PGBD5: variants seen among roughly 807,000 people sequenced by gnomAD.
PGBD5 encodes piggyBac transposable element derived 5.
PGBD5 carries 14 observed loss-of-function variants against 47.9 expected under a neutral mutation model. The observed-to-expected ratio is 0.29, with a 90% CI of 0.19 to 0.46. The LOEUF (loss-of-function observed/expected upper bound fraction) is 0.46, where lower values mean the gene tolerates loss of function less well. Among genes scored for constraint, PGBD5 ranks in the 20% least tolerant of loss-of-function variants. The pLI is 1.00. For missense variants in PGBD5, 635 were observed against 716.0 expected (o/e 0.89, Z 1.29); for synonymous variants, 316 against 306.3 (o/e 1.03, Z -0.33).
chr1:230,342,521 G>A (rs1045275038), intron 3 of PGBD5, among the ~76,000 whole-genome samples: 4 of 152,098 alleles, frequency 2.6e-5, no homozygotes, highest in South Asian at 2.1e-4. Context: ...GGGTGTGTGC[G>A]GCTGTCACCT....
chr1:230,357,095 G>A lies in PGBD5; in HGVS notation c.558C>T (p.Leu186=). 6.2e-7 allele frequency: 1 copy of A among 1,614,192 alleles called. No individual in the cohort carries two copies. ...TGTAGAAGCCTCCGCTCCAGATGCT[G>A]AGGACGGACTCGCAGTGGGAGATGC... ...STSISHCESV[L]SIWSGGFYSN... The change falls in exon 2 of 7, where the codon CTC becomes CTT. Residue 186 remains leucine (L), a synonymous_variant. Transcript: ENST00000391860. The surrounding 1 kb of genome is among the most constrained non-coding windows in gnomAD (Gnocchi z 5.7).
intron 1 of PGBD5, among the ~76,000 whole-genome samples, chr1:230,369,286 G>A (rs1275972688): frequency 1.3e-5 from 2 of 152,224 alleles, no homozygotes; most frequent in Non-Finnish European, 2.9e-5. Flanking sequence ...TATACATTAG[G>A]ACAATGATGA....
intron 1 of PGBD5, among the ~76,000 whole-genome samples, chr1:230,396,719 G>C (rs146814219): frequency 6.6e-6 from 1 of 151,782 alleles, no homozygotes; most frequent in South Asian, 2.1e-4. Context: ...CATGGTGTCC[G>C]CCTGAAACAA....
intron 1 of PGBD5, among the ~76,000 whole-genome samples, chr1:230,390,225 A>G (rs572204510): frequency 6.6e-6 from 1 of 152,194 alleles, no homozygotes; most frequent in Admixed American, 6.5e-5. Context: ...ACTGCTGCCA[A>G]TCCAGTTCCA....
chr1:230,325,698 AG>A (rs1667105224), intron 5 of PGBD5, among the ~76,000 whole-genome samples: 2 of 152,068 alleles, frequency 1.3e-5, no homozygotes, highest in Non-Finnish European at 2.9e-5. Context: ...GCAGGCCTGA[AG>A]GGGCTCTAAG....
chr1:230,349,341 AAC>A (rs1667525885), intron 3 of PGBD5, among the ~76,000 whole-genome samples: 1 of 152,130 alleles, frequency 6.6e-6, no homozygotes, highest in Admixed American at 6.5e-5. Context: ...CAGCCTGGGC[AAC>A]ACAGTGAGAC....
intron 5 of PGBD5, among the ~76,000 whole-genome samples, chr1:230,331,402 C>T (rs1449473885): frequency 2.6e-5 from 4 of 152,062 alleles, no homozygotes; most frequent in African/African-American, 9.7e-5. Context: ...GGCGACAGAG[C>T]AACACCCTGT....
rs201689597 is a variant in PGBD5 at position 230,321,146 on chromosome 1, T to C, written c.*2279A>G. On this transcript the variant is annotated 3_prime_UTR_variant, in exon 7 of 7. Coordinates refer to ENST00000391860, the MANE Select transcript of PGBD5 (RefSeq NM_001258311.2). ...AAGGCAGGCCTGCTAGTGTCTTCAA[T>C]GAAACAGGCACCTCAAATACAACTG... The C allele has an allele frequency of 7.9e-5, 12 of 152,324 alleles. No individual in the cohort carries two copies. The highest frequency in any genetic ancestry group is 1.9e-4 in the East Asian group (1 of 5,186). The allele number at this position is 152,324 out of a possible 1,614,324, so 9.4% of individuals were successfully genotyped here. A position where few individuals can be genotyped will look rare whatever the true frequency, so the allele number is the denominator to read the frequency against.
chr1:230,362,083 C>A (rs882067), intron 1 of PGBD5, among the ~76,000 whole-genome samples: 80,603 of 151,956 alleles, frequency 0.53, 24,794 homozygotes, highest in Non-Finnish European at 0.69. Context: ...GGTCTGGTCA[C>A]TGTCACAGGG....
chr1:230,399,511 G>A (rs1055455414), intron 1 of PGBD5, among the ~76,000 whole-genome samples: 3 of 152,132 alleles, frequency 2.0e-5, no homozygotes, highest in African/African-American at 7.2e-5. Flanking sequence ...TTACCCATAC[G>A]TTTACTTTAC....
rs1191091654 is a variant in PGBD5 at position 230,316,041 on chromosome 1, T to C, written c.*7384A>G. ...ATGTATGTGTATACATACATAAGTA[T>C]ATGTGTACACATATATGTATGTGTA... On this transcript the variant is annotated 3_prime_UTR_variant, in exon 7 of 7. Coordinates refer to ENST00000391860, the MANE Select transcript of PGBD5 (RefSeq NM_001258311.2). 1.4e-5 allele frequency: 2 copies of C among 140,684 alleles called. No homozygotes were observed. Among genetic ancestry groups the C allele is most frequent in the African/African-American group, 5.3e-5 (2 of 37,960 alleles). 8.7% of individuals were successfully genotyped at this position (140,684 alleles called of 1,614,324 possible).
At chr1:230,406,311 C>CAAAAA (rs67577027) in intron 1 of PGBD5, among the ~76,000 whole-genome samples, 28 of 54,588 alleles carry the variant, frequency 5.1e-4, no homozygotes, top group East Asian at 1.2e-3. Flanking sequence ...GACTCCGTCT[C>CAAAAA]AAAAAAAAAA....
chr1:230,376,178 T>C (rs560842950), intron 1 of PGBD5, among the ~76,000 whole-genome samples: 24 of 152,240 alleles, frequency 1.6e-4, no homozygotes, highest in African/African-American at 5.1e-4. Context: ...GTTCCAAGAA[T>C]ACTTGAGAGA....
In PGBD5 at chr1:230,314,633, A is replaced by C. The variant is rs536298630; in HGVS notation, c.*8792T>G. The C allele has an allele frequency of 7.4e-6, 1 of 134,332 alleles. No individual in the cohort carries two copies. Among genetic ancestry groups the C allele is most frequent in the Admixed American group, 8.4e-5 (1 of 11,928 alleles). 8.3% of individuals were successfully genotyped at this position (134,332 alleles called of 1,614,324 possible). A position where few individuals can be genotyped will look rare whatever the true frequency, so the allele number is the denominator to read the frequency against. On this transcript the variant is annotated 3_prime_UTR_variant, in exon 7 of 7. Transcript: ENST00000391860. ...CACATTTCACATTTGAGAACCCAGAATTCAGCTCCTGTTATACAAAATTTG... is the reference window on the plus strand; with the variant it reads ...CACATTTCACATTTGAGAACCCAGACTTCAGCTCCTGTTATACAAAATTTG...
chr1:230,335,819 T>A (rs61824771), intron 4 of PGBD5, among the ~76,000 whole-genome samples: 56 of 9,480 alleles, frequency 5.9e-3, no homozygotes, highest in African/African-American at 9.4e-3. Context: ...ACACATACAC[T>A]GACACAGACA....
rs185410307 is a variant in PGBD5, at chr1:230,423,033, A to C, written c.331+2565T>G. On this transcript the variant is annotated intron_variant, in intron 1 of 6. Coordinates refer to ENST00000391860, the MANE Select transcript of PGBD5 (RefSeq NM_001258311.2). ...GTTATCTTTCTGATTAAAAAAAAAA[A>C]AACCAAAAACCTAGCACAAGCAATA... Among the ~76,000 whole-genome samples the C allele has an allele frequency of 3.5e-3, 529 of 152,194 alleles. 3 individuals are homozygous for C. The highest frequency in any genetic ancestry group is 0.012 in the African/African-American group (488 of 41,528).
At chr1:230,369,202 G>A (rs886725893) in intron 1 of PGBD5, among the ~76,000 whole-genome samples, 2 of 152,360 alleles carry the variant, frequency 1.3e-5, no homozygotes, top group South Asian at 2.1e-4. Context: ...GGATGTGGAG[G>A]AGAGACCTGA....
chr1:230,383,510 G>C (rs1293224172), intron 1 of PGBD5, among the ~76,000 whole-genome samples: 1 of 151,978 alleles, frequency 6.6e-6, no homozygotes, highest in African/African-American at 2.4e-5. Flanking sequence ...GATTATAGGT[G>C]CACCACCAAG....
chr1:230,404,850 G>A (rs1657261483), intron 1 of PGBD5, among the ~76,000 whole-genome samples: 1 of 150,334 alleles, frequency 6.7e-6, no homozygotes, highest in Non-Finnish European at 1.5e-5. Context: ...GCTTGAACCA[G>A]GGAGGCAGAG....
Sources: gnomAD v4.1 joint callset for allele counts (sites outside exome capture counted in the v4.1 genomes callset) on GRCh38, gnomAD v4.1.1 for gene constraint, Gnocchi (gnomAD v3.1) non-coding constraint, MANE v1.5 for transcripts, NCBI Gene and HGNC (gene_info 2026-07-23, HGNC 2026-07-21) for gene names.